The following MDGA2 variants were observed in gnomAD, a reference collection of about 807,000 sequenced individuals.
The protein encoded by MDGA2 is MAM domain containing glycosylphosphatidylinositol anchor 2, also known as MAM domain-containing glycosylphosphatidylinositol anchor protein 2.
Under a neutral mutation model 117.8 loss-of-function variants are expected in MDGA2, and 40 were observed. That is an observed-to-expected ratio of 0.34 (90% confidence interval 0.26 to 0.44). The LOEUF is 0.44. Ranked by LOEUF, MDGA2 falls within the 20% of genes least tolerant of loss-of-function variation. The pLI is 1.00. For synonymous variants in MDGA2, 452 were observed against 439.0 expected (o/e 1.03, Z -0.37); for missense variants, 1,123 against 1,250.6 (o/e 0.90, Z 1.54).
At chr14:47,625,326 T>G (rs1327813001) in intron 1 of MDGA2, among the ~76,000 whole-genome samples, 1 of 152,142 alleles carries the variant, frequency 6.6e-6, no homozygotes, top group African/African-American at 2.4e-5. Flanking sequence ...AAAAAGTATG[T>G]CATTTAACTT....
intron 9 of MDGA2, among the ~76,000 whole-genome samples, chr14:46,924,659 T>G (rs1158988614): frequency 6.6e-6 from 1 of 151,988 alleles, no homozygotes; most frequent in Non-Finnish European, 1.5e-5. Flanking sequence ...ATGAGCCCAT[T>G]TTATTATCAG....
intron 5 of MDGA2, among the ~76,000 whole-genome samples, chr14:47,129,953 T>G: frequency 6.7e-6 from 1 of 149,612 alleles, no homozygotes; most frequent in African/African-American, 2.5e-5. Context: ...GTTTTTTTCT[T>G]GTAAATTTGT....
At chr14:47,140,444 A>G (rs1882669204) in intron 4 of MDGA2, among the ~76,000 whole-genome samples, 1 of 152,160 alleles carries the variant, frequency 6.6e-6, no homozygotes, top group Admixed American at 6.6e-5. Context: ...ACAATACTAT[A>G]GTAACCAAAA....
At chr14:47,451,239 A>C (rs990143737) in intron 1 of MDGA2, among the ~76,000 whole-genome samples, 3 of 152,142 alleles carry the variant, frequency 2.0e-5, no homozygotes, top group Non-Finnish European at 4.4e-5. Flanking sequence ...ATTTGAACCA[A>C]GTCTATCAAG....
At chr14:46,913,717 T>A (rs1479516399) in intron 10 of MDGA2, among the ~76,000 whole-genome samples, 1 of 152,178 alleles carries the variant, frequency 6.6e-6, no homozygotes, top group Admixed American at 6.5e-5. Flanking sequence ...AAATGAAGTT[T>A]GCACCTCAGT....
At chr14:47,635,789 G>A (rs1897311321) in intron 1 of MDGA2, among the ~76,000 whole-genome samples, 1 of 152,158 alleles carries the variant, frequency 6.6e-6, no homozygotes, top group African/African-American at 2.4e-5. Flanking sequence ...ATGCTGATTT[G>A]CTGTCAGGAA....
At chr14:47,059,219 G>A (rs746602724) in intron 7 of MDGA2, 50 of 917,136 alleles carry the variant, frequency 5.5e-5, no homozygotes, top group African/African-American at 5.0e-4. Context: ...GTATTGTTTC[G>A]GCTATTGAGA....
At chr14:47,071,355 T>C (rs192077670) in intron 6 of MDGA2, among the ~76,000 whole-genome samples, 1 of 152,178 alleles carries the variant, frequency 6.6e-6, no homozygotes, top group East Asian at 1.9e-4. Flanking sequence ...AAGATCCGGA[T>C]GTGTTGGTTA....
At chr14:47,666,044 A>G (rs1185848643) in intron 1 of MDGA2, among the ~76,000 whole-genome samples, 1 of 150,536 alleles carries the variant, frequency 6.6e-6, no homozygotes, top group East Asian at 2.0e-4. Context: ...GGGAACTTGG[A>G]GAACTTTATG....
chr14:47,212,505 C>G lies in MDGA2; in HGVS notation c.595+5516G>C, dbSNP rs551079725. Among the ~76,000 whole-genome samples the G allele has an allele frequency of 4.4e-4, 67 of 152,222 alleles. No individual in the cohort carries two copies. The Middle Eastern group carries it at 0.02, about 46-fold the overall frequency. ...AACAACCCTAGGTATTTCCAATACC[C>G]AGAGGCAACCTTTTCTAATGCATCT... On this transcript the variant is annotated intron_variant, in intron 3 of 16. Coordinates refer to ENST00000399232, the MANE Select transcript of MDGA2 (RefSeq NM_001113498.3).
intron 8 of MDGA2, among the ~76,000 whole-genome samples, chr14:47,027,947 CTTA>C (rs1000574447): frequency 6.6e-5 from 10 of 151,928 alleles, no homozygotes; most frequent in Non-Finnish European, 1.3e-4. Flanking sequence ...AATCCTAGAT[CTTA>C]TTTTGTACAG....
At chr14:47,128,881 A>G (rs1249026351) in intron 5 of MDGA2, among the ~76,000 whole-genome samples, 2 of 151,624 alleles carry the variant, frequency 1.3e-5, no homozygotes, top group Non-Finnish European at 2.9e-5. Flanking sequence ...TTTTGAGACG[A>G]GGTTTCACTG....
At chr14:47,089,089 AT>A (rs557366983) in intron 6 of MDGA2, among the ~76,000 whole-genome samples, 2 of 151,852 alleles carry the variant, frequency 1.3e-5, no homozygotes, top group East Asian at 3.9e-4. Context: ...TATTGTTGAG[AT>A]TTTTTTTTCC....
intron 1 of MDGA2, among the ~76,000 whole-genome samples, chr14:47,378,499 A>G (rs11845508): frequency 0.18 from 27,989 of 152,158 alleles, 2,724 homozygotes; most frequent in Admixed American, 0.26. Flanking sequence ...TAACTAGAAT[A>G]AACAGTATAG....
At chr14:47,409,182 C>T (rs982100835) in intron 1 of MDGA2, among the ~76,000 whole-genome samples, 2 of 152,148 alleles carry the variant, frequency 1.3e-5, no homozygotes, top group Non-Finnish European at 1.5e-5. Flanking sequence ...TTAAAAGCTT[C>T]AAGAGCCAAT....
chr14:47,116,945 G>A (rs1594639274), intron 5 of MDGA2, among the ~76,000 whole-genome samples: 1 of 148,788 alleles, frequency 6.7e-6, no homozygotes, highest in South Asian at 2.1e-4. Flanking sequence ...GTTCTGCACA[G>A]AAAAAAAAAT....
intron 1 of MDGA2, among the ~76,000 whole-genome samples, chr14:47,343,635 A>T (rs543141155): frequency 6.6e-6 from 1 of 152,274 alleles, no homozygotes; most frequent in South Asian, 2.1e-4. Flanking sequence ...TTCATTAATT[A>T]TCTAAATAAA....
intron 2 of MDGA2, among the ~76,000 whole-genome samples, chr14:47,272,869 C>T (rs1422321397): frequency 3.9e-5 from 6 of 151,926 alleles, no homozygotes; most frequent in Non-Finnish European, 5.9e-5. Flanking sequence ...AATCAGTTAG[C>T]GAAATGCCAT....
chr14:47,239,348 A>G (rs951476330), intron 2 of MDGA2, among the ~76,000 whole-genome samples: 1 of 151,740 alleles, frequency 6.6e-6, no homozygotes, highest in Admixed American at 6.6e-5. Flanking sequence ...TAAATATTTC[A>G]CTATAGGCTT....
Sources: gnomAD v4.1 joint callset for allele counts (sites outside exome capture counted in the v4.1 genomes callset) on GRCh38, gnomAD v4.1.1 for gene constraint, MANE v1.5 for transcripts, NCBI Gene and HGNC (gene_info 2026-07-23, HGNC 2026-07-21) for gene names.